Variants in ACCSL observed in about 807,000 individuals in gnomAD.
ACCSL encodes the protein 1-aminocyclopropane-1-carboxylate synthase homolog (inactive) like.
In ACCSL, 55 loss-of-function variants were observed where a neutral mutation model predicts 61.7. The observed-to-expected ratio is 0.89, with a 90% CI of 0.72 to 1.12. ACCSL has a LOEUF of 1.12. ACCSL is among the 50% of genes most tolerant of loss of function. The pLI, the probability that ACCSL is intolerant of heterozygous loss-of-function variation, is 0.00. For synonymous variants in ACCSL, 258 were observed against 264.3 expected (o/e 0.98, Z 0.23); for missense variants, 632 against 698.0 (o/e 0.91, Z 1.07).
At chr11:43,944,294 G>GTC in the ACCSL span, 1 of 164,600 alleles carries the variant, frequency 6.1e-6, no homozygotes, top group Non-Finnish European at 1.3e-5. Flanking sequence ...GTGGGGAGAT[G>GTC]TCGGAGCCAG....
chr11:44,051,383 T>G lies in ACCSL; in HGVS notation c.684T>G (p.Pro228=). The part of the protein sequence containing the change: ...ARFLTYYCRA[P]TRLDPENVVV... Reference sequence around the variant, plus strand: ...TCCTGACCTACTACTGCAGGGCACCTACCCGACTTGACCCAGAAAATGTGA... The same window carrying G: ...TCCTGACCTACTACTGCAGGGCACCGACCCGACTTGACCCAGAAAATGTGA... Residue 228 remains proline, a synonymous_variant, in exon 4 of 14, where the codon CCT becomes CCG. Coordinates refer to ENST00000378832, the MANE Select transcript of ACCSL (RefSeq NM_001031854.2). 6.2e-7 allele frequency: 1 copy of G among 1,614,186 alleles called. No homozygotes were observed. Among genetic ancestry groups the G allele is most frequent in the South Asian group, 1.1e-5 (1 of 91,068 alleles).
chr11:44,025,503 A>G, the ACCSL span, among the ~76,000 whole-genome samples: 1 of 152,280 alleles, frequency 6.6e-6, no homozygotes, highest in African/African-American at 2.4e-5. Context: ...TACAACTTAC[A>G]TCCTTATGCA....
the ACCSL span, chr11:43,942,810 C>A: frequency 1.1e-6 from 1 of 909,342 alleles, no homozygotes. Flanking sequence ...CCCGGCGAGC[C>A]CCCGGCTGCT....
the ACCSL span, among the ~76,000 whole-genome samples, chr11:43,989,562 C>G: frequency 1.3e-5 from 2 of 152,358 alleles, no homozygotes; most frequent in Non-Finnish European, 2.9e-5. Context: ...GCCCCTCACT[C>G]CCAGCCCTTC....
At chr11:44,014,512 AGAGAGAGAG>A in the ACCSL span, among the ~76,000 whole-genome samples, 1 of 151,154 alleles carries the variant, frequency 6.6e-6, no homozygotes, top group Non-Finnish European at 1.5e-5. Context: ...AGAGAGAGAG[AGAGAGAGAG>A]AGAGAGAGGT....
the ACCSL span, among the ~76,000 whole-genome samples, chr11:44,004,935 TACCTG>T: frequency 6.6e-6 from 1 of 152,198 alleles, no homozygotes; most frequent in African/African-American, 2.4e-5. Flanking sequence ...AGGGAGAGGA[TACCTG>T]CCTGGATACA....
At chr11:44,019,306 T>A in the ACCSL span, among the ~76,000 whole-genome samples, 1 of 152,198 alleles carries the variant, frequency 6.6e-6, no homozygotes, top group South Asian at 2.1e-4. Context: ...GCAGTGGAAT[T>A]GTTGGGTCAT....
At chr11:43,955,237 T>C in the ACCSL span, among the ~76,000 whole-genome samples, 1 of 152,214 alleles carries the variant, frequency 6.6e-6, no homozygotes, top group Non-Finnish European at 1.5e-5. Context: ...CTCCTTCCTT[T>C]GCAACCAGCG....
the ACCSL span, among the ~76,000 whole-genome samples, chr11:44,003,816 C>G: frequency 6.6e-6 from 1 of 152,190 alleles, no homozygotes; most frequent in Non-Finnish European, 1.5e-5. Context: ...GTGCAGGAGC[C>G]TGACCTGACT....
At chr11:43,990,963 T>C in the ACCSL span, among the ~76,000 whole-genome samples, 1 of 151,776 alleles carries the variant, frequency 6.6e-6, no homozygotes, top group East Asian at 1.9e-4. Flanking sequence ...CCCAGCTACT[T>C]GGGAGGCTGA....
At chr11:44,008,381 GTC>G in the ACCSL span, among the ~76,000 whole-genome samples, 5 of 152,348 alleles carry the variant, frequency 3.3e-5, no homozygotes, top group African/African-American at 1.2e-4. Flanking sequence ...GACTGCAGGA[GTC>G]TCTGCTCACT....
the ACCSL span, chr11:43,942,874 G>T: frequency 4.7e-6 from 6 of 1,265,032 alleles, no homozygotes; most frequent in South Asian, 1.3e-4. Flanking sequence ...CCGGCGCCCC[G>T]CCGCCCGGCC....
chr11:43,925,581 G>A, the ACCSL span: 2 of 402,190 alleles, frequency 5.0e-6, no homozygotes, highest in South Asian at 1.8e-5. Context: ...TTTGCAAGGG[G>A]GTACATGCTC....
chr11:43,960,461 T>C, the ACCSL span, among the ~76,000 whole-genome samples: 1 of 152,118 alleles, frequency 6.6e-6, no homozygotes, highest in Non-Finnish European at 1.5e-5. Flanking sequence ...TTATCTCAGC[T>C]CACTGCAACC....
chr11:43,965,430 A>G, the ACCSL span, among the ~76,000 whole-genome samples: 1 of 152,198 alleles, frequency 6.6e-6, no homozygotes, highest in Non-Finnish European at 1.5e-5. Flanking sequence ...AAACTACAAA[A>G]CATTGCTGAA....
chr11:44,002,099 G>T, the ACCSL span, among the ~76,000 whole-genome samples: 3 of 151,718 alleles, frequency 2.0e-5, no homozygotes, highest in African/African-American at 7.3e-5. Context: ...TGGACAAGGA[G>T]GGGGGAAGTG....
chr11:43,968,969 C>A, the ACCSL span, among the ~76,000 whole-genome samples: 8 of 152,202 alleles, frequency 5.3e-5, no homozygotes, highest in African/African-American at 1.9e-4. Flanking sequence ...GCACTGCCTA[C>A]TGCCCTTAGA....
At chr11:44,050,663 C>T (rs781132053) in intron 3 of ACCSL, 41 bp downstream of exon 3, 131 of 1,584,886 alleles carry the variant, frequency 8.3e-5, no homozygotes, top group Non-Finnish European at 1.1e-4. Context: ...GTCCCACAGG[C>T]AGCTGTCCTT....
upstream of ACCSL, among the ~76,000 whole-genome samples, chr11:44,045,965 C>T (rs1952594762): frequency 6.6e-6 from 1 of 152,168 alleles, no homozygotes; most frequent in Non-Finnish European, 1.5e-5. Flanking sequence ...CCACCCCGAT[C>T]TTGGCTCTTT....
Sources: gnomAD v4.1 joint callset for allele counts (sites outside exome capture counted in the v4.1 genomes callset) on GRCh38, gnomAD v4.1.1 for gene constraint, MANE v1.5 for transcripts, NCBI Gene and HGNC (gene_info 2026-07-23, HGNC 2026-07-21) for gene names.